The following SOX6 variants were observed in gnomAD, a reference collection of about 807,000 sequenced individuals.
The protein encoded by SOX6 is SRY-box transcription factor 6.
SOX6 carries 11 observed loss-of-function variants against 97.8 expected under a neutral mutation model. The observed-to-expected ratio is 0.11, with a 90% CI of 0.07 to 0.19. The LOEUF is 0.19. SOX6 is among the 10% of genes least tolerant of loss of function. SOX6 has a pLI of 1.00. For synonymous variants in SOX6, 360 were observed against 371.4 expected, an observed-to-expected ratio of 0.97 and a Z score of 0.35; for missense variants, 810 against 1,039.5, an observed-to-expected ratio of 0.78 and a Z score of 3.04.
intron 4 of SOX6, among the ~76,000 whole-genome samples, chr11:16,564,060 A>T (rs1441431456): frequency 2.0e-5 from 3 of 152,164 alleles, no homozygotes; most frequent in Non-Finnish European, 4.4e-5. Flanking sequence ...ATGAAGGAAA[A>T]TGAAGAGAGT....
chr11:16,361,012 A>G (rs78846646), upstream of SOX6, among the ~76,000 whole-genome samples: 17 of 149,604 alleles, frequency 1.1e-4, no homozygotes, highest in East Asian at 3.9e-4. Context: ...CAAAAAAAAA[A>G]AAGAAGAAGA....
At chr11:16,008,577 G>A (rs1854623824) in intron 13 of SOX6, among the ~76,000 whole-genome samples, 1 of 152,004 alleles carries the variant, frequency 6.6e-6, no homozygotes, top group African/African-American at 2.4e-5. Context: ...AGGAGATGGA[G>A]TTATACAAGA....
rs574417997 is a variant in SOX6, at chr11:16,095,932, G to T, written c.1101+64C>A. 3.8e-4 allele frequency: 495 copies of T among 1,299,454 alleles called. 6 individuals carry two copies. In the East Asian group the frequency reaches 0.011, roughly 29 times the overall value. 80.5% of individuals were successfully genotyped at this position (1,299,454 alleles called of 1,614,324 possible). A position where few individuals can be genotyped will look rare whatever the true frequency, so the allele number is the denominator to read the frequency against. On this transcript the variant is annotated intron_variant, in intron 9 of 15. Transcript: ENST00000683767. ...GCCACTTTAAAAAAAAAAAAAAAAA[G>T]CCTAGAGTATGACTGAACAATCCAG...
chr11:16,225,410 T>C (rs562141500), intron 4 of SOX6, among the ~76,000 whole-genome samples: 1 of 150,850 alleles, frequency 6.6e-6, no homozygotes, highest in Non-Finnish European at 1.5e-5. Context: ...CCATAGCTCT[T>C]GTAAAACCAC....
At chr11:16,110,025 T>C (rs1849190829) in intron 7 of SOX6, among the ~76,000 whole-genome samples, 1 of 152,190 alleles carries the variant, frequency 6.6e-6, no homozygotes. Context: ...TTACATATTA[T>C]AATCTCATTA....
At position 15,998,004 on chromosome 11, in the gene SOX6, C is replaced by T. The variant is rs960449375; in HGVS notation, c.1733-8774G>A. On this transcript the variant is annotated intron_variant, in intron 13 of 15. Transcript: ENST00000683767. ...CTGAGGCAGGAGAATGTCTTGAACC[C>T]GGGAGGCAGAGGCTGCAGTGAGCTG... 2.0e-5 allele frequency among the ~76,000 whole-genome samples: 3 copies of T among 151,542 alleles called. No individual in the cohort carries two copies. The East Asian group carries it at 5.8e-4, about 29-fold the overall frequency.
chr11:16,566,997 G>A (rs940140557), intron 4 of SOX6, among the ~76,000 whole-genome samples: 2 of 152,180 alleles, frequency 1.3e-5, no homozygotes, highest in Non-Finnish European at 2.9e-5. Flanking sequence ...TAATAAAAAG[G>A]AATGAAGTGC....
chr11:16,169,107 A>G (rs1850964599), intron 6 of SOX6, among the ~76,000 whole-genome samples: 1 of 152,176 alleles, frequency 6.6e-6, no homozygotes, highest in Non-Finnish European at 1.5e-5. Context: ...AATTTATTGT[A>G]AACACTCTAA....
intron 5 of SOX6, among the ~76,000 whole-genome samples, chr11:16,186,293 C>T (rs189202449): frequency 1.1e-4 from 17 of 152,206 alleles, no homozygotes; most frequent in Non-Finnish European, 2.4e-4. Context: ...CTCTAGAAAA[C>T]AGGCATTATA....
At chr11:16,286,885 T>C (rs1035183320) in intron 3 of SOX6, among the ~76,000 whole-genome samples, 5 of 152,108 alleles carry the variant, frequency 3.3e-5, no homozygotes, top group African/African-American at 1.2e-4. Flanking sequence ...GAAATATTTA[T>C]GATTGTTTAA....
chr11:16,320,667 A>C (rs1332268918), intron 2 of SOX6, among the ~76,000 whole-genome samples: 1 of 152,140 alleles, frequency 6.6e-6, no homozygotes, highest in Non-Finnish European at 1.5e-5. Flanking sequence ...ATTATGAAGT[A>C]AAAAATGTTC....
intron 2 of SOX6, among the ~76,000 whole-genome samples, chr11:16,720,807 A>G (rs1436820478): frequency 6.6e-6 from 1 of 152,214 alleles, no homozygotes. Context: ...ATATAAAAAC[A>G]TAATCACAAA....
At chr11:16,087,359 C>A (rs1023035337) in intron 9 of SOX6, among the ~76,000 whole-genome samples, 31 of 152,074 alleles carry the variant, frequency 2.0e-4, no homozygotes, top group African/African-American at 7.0e-4. Flanking sequence ...TCAATTATAG[C>A]TAAGAATGAT....
chr11:16,034,152 CT>C (rs1351582572), intron 12 of SOX6, among the ~76,000 whole-genome samples: 2 of 152,094 alleles, frequency 1.3e-5, no homozygotes, highest in African/African-American at 4.8e-5. Flanking sequence ...TATATGGTTT[CT>C]TTTCTTAAAA....
At chr11:16,171,792 C>G (rs1200982981) in intron 6 of SOX6, among the ~76,000 whole-genome samples, 1 of 151,600 alleles carries the variant, frequency 6.6e-6, no homozygotes, top group African/African-American at 2.4e-5. Flanking sequence ...GAGTAATTAC[C>G]CTATTTACTA....
chr11:16,037,239 G>A (rs1378321365), intron 12 of SOX6, among the ~76,000 whole-genome samples: 1 of 152,106 alleles, frequency 6.6e-6, no homozygotes, highest in Non-Finnish European at 1.5e-5. Flanking sequence ...GGATTCTAAA[G>A]GCCACCTAGA....
intron 6 of SOX6, among the ~76,000 whole-genome samples, chr11:16,179,333 T>C (rs536796835): frequency 1.2e-3 from 184 of 151,972 alleles, no homozygotes; most frequent in Non-Finnish European, 2.1e-3. Flanking sequence ...GTGGGAAACA[T>C]ACAGACTCAC....
intron 4 of SOX6, among the ~76,000 whole-genome samples, chr11:16,606,224 TTTTTTC>T (rs1457732110): frequency 1.5e-5 from 2 of 131,010 alleles, no homozygotes; most frequent in African/African-American, 6.7e-5. Flanking sequence ...TACTTCCCTC[TTTTTTC>T]TTTTTTTTTT....
At chr11:16,183,768 A>T (rs1851401199) in intron 6 of SOX6, 118 bp downstream of exon 6, 1 of 839,312 alleles carries the variant, frequency 1.2e-6, no homozygotes, top group East Asian at 2.6e-5. Flanking sequence ...AACATCCTTG[A>T]AAACAGCCTT....
Sources: allele counts gnomAD v4.1 joint callset (sites outside exome capture counted in the v4.1 genomes callset), GRCh38; gene constraint gnomAD v4.1.1; transcripts MANE v1.5; gene names NCBI Gene and HGNC (gene_info 2026-07-23, HGNC 2026-07-21).